Variants in GCC2 observed in about 807,000 individuals in gnomAD.
GCC2 encodes GRIP and coiled-coil domain-containing protein 2.
A neutral mutation model predicts 210.6 loss-of-function variants in GCC2; 120 were observed. The observed-to-expected ratio is 0.57, with a 90% confidence interval of 0.49 to 0.66. The LOEUF (loss-of-function observed/expected upper bound fraction) is 0.66. Ranked by LOEUF, GCC2 falls within the 30% of genes least tolerant of loss-of-function variation. GCC2 has a pLI of 0.00. For synonymous variants in GCC2, 703 were observed against 652.7 expected (o/e 1.08, Z -1.17); for missense variants, 1,868 against 1,871.9 (o/e 1.00, Z 0.04).
chr2:108,488,459 T>C (rs1055898754), intron 17 of GCC2, among the ~76,000 whole-genome samples: 1 of 152,236 alleles, frequency 6.6e-6, no homozygotes, highest in East Asian at 1.9e-4. Context: ...ATGATTTGTT[T>C]TTCCAATTTT....
chr2:108,472,007 A>C lies in GCC2; in HGVS notation c.2678A>C (p.Glu893Ala), dbSNP rs1027769388. The change falls in exon 6 of 23, where the codon GAA (glutamate) becomes GCA (alanine). Residue 893 changes from glutamate (E) to alanine (A), a missense_variant. Around this residue, in one of 3 missense-constraint regions of GCC2, gnomAD observed 1,847 missense variants for 1,765.2 expected, o/e 1.05. Coordinates refer to ENST00000309863, the MANE Select transcript of GCC2 (RefSeq NM_181453.4). The stretch of plus-strand genomic sequence containing the variant: ...GTATCTCAAACATGTAGCAAAAGTG[A>C]AATCCATAATGAAAAAGAAAAATGT... ...EEVSQTCSKS[E>A]IHNEKEKCFI... 3 of 1,600,398 alleles carry C rather than the reference A, an allele frequency of 1.9e-6. No individual in the cohort carries two copies. The highest frequency in any genetic ancestry group is 2.7e-5 in the African/African-American group (2 of 73,922).
At chr2:108,468,849 C>T (rs575411548) in intron 4 of GCC2, 131 bp from the exon 5 acceptor site, 52 of 586,808 alleles carry the variant, frequency 8.9e-5, no homozygotes, top group Admixed American at 1.5e-4. Flanking sequence ...TTTCTCTTTG[C>T]GCAATGTGTT....
chr2:108,507,481 T>C, intron 22 of GCC2, 79 bp from the exon 23 acceptor site: 1 of 1,194,916 alleles, frequency 8.4e-7, no homozygotes, highest in Non-Finnish European at 1.2e-6. Context: ...GATTCTAAAA[T>C]ATAGATTTTA....
At chr2:108,453,992 A>T (rs992669703) in intron 4 of GCC2, among the ~76,000 whole-genome samples, 6 of 151,448 alleles carry the variant, frequency 4.0e-5, no homozygotes, top group South Asian at 2.1e-4. Flanking sequence ...ATTTATTTTT[A>T]TTTATTTATT....
At chr2:108,458,781 T>C (rs1023771148) in intron 4 of GCC2, among the ~76,000 whole-genome samples, 5 of 152,134 alleles carry the variant, frequency 3.3e-5, no homozygotes, top group African/African-American at 1.2e-4. Flanking sequence ...TCCTTTTTCA[T>C]TTCTGATTTT....
At chr2:108,454,323 C>T (rs1680127124) in intron 4 of GCC2, among the ~76,000 whole-genome samples, 1 of 152,204 alleles carries the variant, frequency 6.6e-6, no homozygotes, top group Admixed American at 6.5e-5. Context: ...TCATCAGTGG[C>T]TCCCCACTTG....
chr2:108,463,543 C>A (rs1194173533), intron 4 of GCC2, among the ~76,000 whole-genome samples: 1 of 152,102 alleles, frequency 6.6e-6, no homozygotes, highest in Admixed American at 6.6e-5. Context: ...TAAAGTTTTG[C>A]TGGGGCCTGG....
At chr2:108,497,868 T>C (rs891014489) in intron 21 of GCC2, among the ~76,000 whole-genome samples, 52 of 152,190 alleles carry the variant, frequency 3.4e-4, no homozygotes, top group African/African-American at 1.2e-3. Flanking sequence ...GAGAGAAAAA[T>C]TGAAGCTGGT....
chr2:108,449,728 G>A, intron 2 of GCC2, 39 bp downstream of exon 2: 2 of 1,549,594 alleles, frequency 1.3e-6, no homozygotes, highest in Non-Finnish European at 1.8e-6. Context: ...CCTGAAGAGT[G>A]GAAGGGTGAT....
At chr2:108,506,846 T>C (rs1170586557) in intron 22 of GCC2, among the ~76,000 whole-genome samples, 2 of 151,476 alleles carry the variant, frequency 1.3e-5, no homozygotes, top group Admixed American at 6.6e-5. Flanking sequence ...CATCAAAGTA[T>C]ATTGTGAGAA....
chr2:108,485,997 G>T (rs538020013), intron 15 of GCC2, 89 bp downstream of exon 15: 4 of 612,656 alleles, frequency 6.5e-6, no homozygotes, highest in African/African-American at 1.9e-5. Context: ...ATCCTATAAC[G>T]ATATCTAGAA....
chr2:108,505,657 A>G (rs1451973590), intron 22 of GCC2, among the ~76,000 whole-genome samples: 1 of 151,892 alleles, frequency 6.6e-6, no homozygotes, highest in Non-Finnish European at 1.5e-5. Flanking sequence ...TCTTCCAACT[A>G]CCACATAAGT....
chr2:108,490,456 G>T (rs894923219), intron 18 of GCC2, among the ~76,000 whole-genome samples: 3 of 152,086 alleles, frequency 2.0e-5, no homozygotes, highest in African/African-American at 7.2e-5. Flanking sequence ...ATAGACATTA[G>T]AAGTATTGGC....
At chr2:108,483,211 G>T in intron 12 of GCC2, 45 bp downstream of exon 12, 2 of 946,784 alleles carry the variant, frequency 2.1e-6, no homozygotes, top group East Asian at 4.9e-5. Context: ...TATTCACATT[G>T]TTCTGTTTTG....
At position 108,451,040 on chromosome 2, in the gene GCC2, C is replaced by T; in HGVS notation, c.76C>T (p.Pro26Ser). 2 of 1,610,780 alleles carry T rather than the reference C, an allele frequency of 1.2e-6. No individual in the cohort carries two copies. Among genetic ancestry groups the T allele is most frequent in the Non-Finnish European group, 1.7e-6 (2 of 1,177,136 alleles). Residue 26 changes from proline (P) to serine (S), a missense_variant, in exon 3 of 23, where the codon CCC becomes TCC. Physicochemically the swap from Pro to Ser is moderately conservative, Grantham distance 74. Transcript: ENST00000309863. Reference protein sequence around the residue: ...GTGKSKLETLPKEDLIKFAKK... With the variant: ...GTGKSKLETLSKEDLIKFAKK... The stretch of plus-strand genomic sequence containing the variant: ...CCACATCTTTCAGCTGGAAACATTG[C>T]CCAAAGAAGACCTCATCAAGTTTGC...
intron 12 of GCC2, 21 bp from the exon 13 acceptor site, chr2:108,484,128 T>A (rs1465915174): frequency 7.2e-6 from 11 of 1,533,322 alleles, no homozygotes; most frequent in Non-Finnish European, 9.7e-6. Flanking sequence ...TGTGTAAATC[T>A]TTTACTTATA....
At chr2:108,451,980 A>T (rs569247785) in intron 3 of GCC2, among the ~76,000 whole-genome samples, 1 of 151,916 alleles carries the variant, frequency 6.6e-6, no homozygotes, top group South Asian at 2.1e-4. Flanking sequence ...AGTAACTGGG[A>T]CTGCAGGCAC....
chr2:108,478,006 A>G (rs1381276134), intron 9 of GCC2, among the ~76,000 whole-genome samples: 1 of 152,222 alleles, frequency 6.6e-6, no homozygotes, highest in African/African-American at 2.4e-5. Context: ...AGATTGTACC[A>G]CTGCACCCCT....
chr2:108,450,881 C>CAA, intron 2 of GCC2, 147 bp from the exon 3 acceptor site: 4 of 573,824 alleles, frequency 7.0e-6, no homozygotes, highest in African/African-American at 1.9e-5. Flanking sequence ...GACTCTGTCT[C>CAA]AAAAAAAAAA....
Sources: allele counts gnomAD v4.1 joint callset (sites outside exome capture counted in the v4.1 genomes callset), GRCh38; gene constraint gnomAD v4.1.1; regional missense constraint gnomAD v4.1.1; transcripts MANE v1.5; gene names NCBI Gene and HGNC (gene_info 2026-07-23, HGNC 2026-07-21).